UGT1A9: variants seen among roughly 807,000 people sequenced by gnomAD.
UGT1A9 encodes UDP-glucuronosyltransferase 1A9.
In UGT1A9, 35 loss-of-function variants were observed where a neutral mutation model predicts 45.0. The observed-to-expected ratio is 0.78, with a 90% CI of 0.59 to 1.03. UGT1A9 has a LOEUF of 1.03. Ranked by LOEUF, UGT1A9 falls within the 50% of genes least tolerant of loss-of-function variation. The pLI is 0.00. For missense variants in UGT1A9, 687 were observed against 666.6 expected, an observed-to-expected ratio of 1.03 and a Z score of -0.34; for synonymous variants, 278 against 250.6, an observed-to-expected ratio of 1.11 and a Z score of -1.03.
intron 1 of UGT1A9, among the ~76,000 whole-genome samples, chr2:233,756,677 T>A (rs1198081671): frequency 1.3e-5 from 2 of 152,198 alleles, no homozygotes; most frequent in African/African-American, 4.8e-5. Flanking sequence ...CCGCTAGAAC[T>A]GCTATATAAT....
At chr2:233,681,525 CAT>C (rs1453831984) in intron 1 of UGT1A9, among the ~76,000 whole-genome samples, 1 of 103,324 alleles carries the variant, frequency 9.7e-6, no homozygotes, top group Non-Finnish European at 1.9e-5. Context: ...AGTGAGACTC[CAT>C]CTCAAAAAAA....
At chr2:233,692,837 T>C in intron 1 of UGT1A9, 1 of 1,449,168 alleles carries the variant, frequency 6.9e-7, no homozygotes, top group South Asian at 1.5e-5. Context: ...ATTAAAATGG[T>C]TAAATATTAA....
intron 1 of UGT1A9, among the ~76,000 whole-genome samples, chr2:233,695,436 T>C (rs368139709): frequency 6.7e-6 from 1 of 148,582 alleles, no homozygotes; most frequent in African/African-American, 2.5e-5. Flanking sequence ...CTTCTTCTTC[T>C]TTTTTTTTTG....
chr2:233,721,901 G>A, intron 1 of UGT1A9: 1 of 456,940 alleles, frequency 2.2e-6, no homozygotes, highest in Non-Finnish European at 4.4e-6. Flanking sequence ...ATATCGAAAT[G>A]GTGCACACTG....
chr2:233,723,456 C>T (rs548922303), intron 1 of UGT1A9, among the ~76,000 whole-genome samples: 9 of 138,712 alleles, frequency 6.5e-5, no homozygotes, highest in South Asian at 2.7e-4. Flanking sequence ...GTGATCCACC[C>T]GCCTCAGCCT....
At chr2:233,762,034 A>G (rs750851212) in intron 1 of UGT1A9, among the ~76,000 whole-genome samples, 3 of 151,806 alleles carry the variant, frequency 2.0e-5, no homozygotes, top group Non-Finnish European at 2.9e-5. Context: ...ATTTTTTTTA[A>G]TTTTCTGTGC....
At chr2:233,747,148 TGAA>T in intron 1 of UGT1A9, 1 of 1,570,870 alleles carries the variant, frequency 6.4e-7, no homozygotes, top group South Asian at 1.2e-5. Context: ...GTAATTAAGA[TGAA>T]GAAAACAAAT....
intron 1 of UGT1A9, chr2:233,729,792 C>A (rs370250320): frequency 4.3e-6 from 7 of 1,613,982 alleles, no homozygotes; most frequent in East Asian, 2.2e-5. Flanking sequence ...CCCTGTCCTA[C>A]ATTTGCCATG....
At chr2:233,726,581 C>T (rs2077543368) in intron 1 of UGT1A9, among the ~76,000 whole-genome samples, 1 of 152,182 alleles carries the variant, frequency 6.6e-6, no homozygotes, top group Non-Finnish European at 1.5e-5. Flanking sequence ...GTCTCCTTCA[C>T]TTGTAAGAGC....
chr2:233,689,091 C>A (rs2074925842), intron 1 of UGT1A9, among the ~76,000 whole-genome samples: 1 of 152,176 alleles, frequency 6.6e-6, no homozygotes, highest in Admixed American at 6.5e-5. Flanking sequence ...GTGGCCTGTG[C>A]CCCTCCCCAC....
chr2:233,680,985 G>T (rs563383872), intron 1 of UGT1A9, among the ~76,000 whole-genome samples: 147 of 152,136 alleles, frequency 9.7e-4, no homozygotes, highest in African/African-American at 3.3e-3. Context: ...AGGCAGGGTT[G>T]TCAATCTCAT....
At chr2:233,759,599 A>ACC (rs1553620419) in intron 1 of UGT1A9, among the ~76,000 whole-genome samples, 7 of 108,662 alleles carry the variant, frequency 6.4e-5, no homozygotes, top group Admixed American at 1.0e-4. Context: ...CCCACCCCCG[A>ACC]CCCGCCCCAC....
chr2:233,715,654 C>G, intron 1 of UGT1A9, among the ~76,000 whole-genome samples: 1 of 152,044 alleles, frequency 6.6e-6, no homozygotes, highest in East Asian at 1.9e-4. Context: ...CACCTGTGGT[C>G]CCAGCTACTC....
intron 1 of UGT1A9, among the ~76,000 whole-genome samples, chr2:233,689,357 T>A (rs2125542122): frequency 6.6e-6 from 1 of 152,374 alleles, no homozygotes; most frequent in South Asian, 2.1e-4. Context: ...AAGGCATTTA[T>A]GTGCAGGGCA....
At chr2:233,751,245 G>A (rs961434580) in intron 1 of UGT1A9, among the ~76,000 whole-genome samples, 1 of 151,950 alleles carries the variant, frequency 6.6e-6, no homozygotes, top group Admixed American at 6.5e-5. Context: ...TTTTGGACTT[G>A]CATGGGGCCT....
chr2:233,682,586 C>T, intron 1 of UGT1A9: 1 of 1,613,922 alleles, frequency 6.2e-7, no homozygotes. Flanking sequence ...CTTGGAGGAA[C>T]ATTTATTTTG....
chr2:233,772,899 G>A lies in UGT1A9; in HGVS notation c.*340G>A, dbSNP rs1167184820. 6 of 428,920 alleles carry A rather than the reference G, an allele frequency of 1.4e-5. No homozygotes were observed. The highest frequency in any genetic ancestry group is 8.2e-5 in the African/African-American group (4 of 48,988). 26.6% of individuals were successfully genotyped at this position (428,920 alleles called of 1,614,324 possible). ...TGCGGGATTCAAAGGTGGTCCCACG[G>A]CTGCCCCTACTGCAAATGGCAGTTT... is the stretch of plus-strand genomic sequence containing the variant. On this transcript the variant is annotated 3_prime_UTR_variant, in exon 5 of 5. Coordinates refer to ENST00000354728, the MANE Select transcript of UGT1A9 (RefSeq NM_021027.3).
Position 233,772,755 on chromosome 2 carries a change from G to A in UGT1A9, c.*196G>A, listed in dbSNP as rs997044425. On this transcript the variant is annotated 3_prime_UTR_variant, in exon 5 of 5. Transcript: ENST00000354728. Reference sequence around the variant, plus strand: ...CTAGTCAGTAAAGATATTTGAATATGTATCGTGCCCCCTCTGGTGTCTTTG... The same window carrying A: ...CTAGTCAGTAAAGATATTTGAATATATATCGTGCCCCCTCTGGTGTCTTTG... 9 of 1,407,806 alleles carry A rather than the reference G, an allele frequency of 6.4e-6. No homozygotes were observed. The African/African-American group carries it at 1.3e-4, about 20-fold the overall frequency. The allele number at this position is 1,407,806 out of a possible 1,614,324, so 87.2% of individuals were successfully genotyped here.
intron 1 of UGT1A9, among the ~76,000 whole-genome samples, chr2:233,716,726 T>C (rs1272338086): frequency 6.6e-6 from 1 of 152,214 alleles, no homozygotes; most frequent in Non-Finnish European, 1.5e-5. Context: ...CCAGTTTATA[T>C]GTTTAGCTCT....
Sources: gnomAD v4.1 joint callset for allele counts (sites outside exome capture counted in the v4.1 genomes callset) on GRCh38, gnomAD v4.1.1 for gene constraint, MANE v1.5 for transcripts, NCBI Gene and HGNC (gene_info 2026-07-23, HGNC 2026-07-21) for gene names.